The following SEMA5A variants were observed in gnomAD, a reference collection of about 807,000 sequenced individuals.
SEMA5A encodes semaphorin 5A.
In SEMA5A, 55 loss-of-function variants were observed where a neutral mutation model predicts 135.5. That is an observed-to-expected ratio of 0.41 (90% CI 0.33 to 0.51). The LOEUF (loss-of-function observed/expected upper bound fraction) is 0.51. SEMA5A is among the 20% of genes least tolerant of loss of function. The pLI is 0.37. For synonymous variants in SEMA5A, 580 were observed against 546.5 expected (o/e 1.06, Z -0.85); for missense variants, 1,290 against 1,419.9 (o/e 0.91, Z 1.47).
intron 12 of SEMA5A, among the ~76,000 whole-genome samples, chr5:9,148,351 C>T (rs1038658004): frequency 2.6e-5 from 4 of 152,156 alleles, no homozygotes; most frequent in Non-Finnish European, 1.5e-5. Context: ...CTAAACTTTT[C>T]CTGAAACACA....
At chr5:9,389,941 G>A (rs1031743150) in intron 2 of SEMA5A, among the ~76,000 whole-genome samples, 2 of 152,138 alleles carry the variant, frequency 1.3e-5, no homozygotes, top group African/African-American at 4.8e-5. Flanking sequence ...GATAGTACTG[G>A]ACATAGTGCA....
At position 9,183,730 on chromosome 5, in the gene SEMA5A, A is replaced by T. The variant is rs1387672346; in HGVS notation, c.1273+6537T>A. Among the ~76,000 whole-genome samples, 4 of 152,312 alleles carry T rather than the reference A, an allele frequency of 2.6e-5. No individual in the cohort carries two copies. The East Asian group carries it at 7.7e-4, about 29-fold the overall frequency. ...CCTTATTGCTTCTTCCTCAGATAGT[A>T]AAATGGGTCCCCAACACCTCACTTG... On this transcript the variant is annotated intron_variant, in intron 11 of 22. Transcript: ENST00000382496.
intron 12 of SEMA5A, among the ~76,000 whole-genome samples, chr5:9,147,503 C>T (rs1236639366): frequency 6.6e-6 from 1 of 152,032 alleles, no homozygotes; most frequent in Non-Finnish European, 1.5e-5. Context: ...AACTCCTGAC[C>T]TCTTGATCCA....
At chr5:9,074,306 T>G (rs1365828095) in intron 16 of SEMA5A, among the ~76,000 whole-genome samples, 1 of 152,192 alleles carries the variant, frequency 6.6e-6, no homozygotes, top group Admixed American at 6.5e-5. Context: ...TGTGAAAACA[T>G]GAATTTTGAT....
intron 2 of SEMA5A, among the ~76,000 whole-genome samples, chr5:9,388,768 G>A (rs1171604564): frequency 7.2e-5 from 11 of 151,982 alleles, no homozygotes; most frequent in South Asian, 2.1e-4. Context: ...GCATGGTAGC[G>A]GGCACCTGCA....
At chr5:9,417,122 AAG>A (rs923457101) in intron 2 of SEMA5A, among the ~76,000 whole-genome samples, 5 of 152,382 alleles carry the variant, frequency 3.3e-5, no homozygotes, top group Admixed American at 3.3e-4. Flanking sequence ...GCAGAAAAAT[AAG>A]AGAGGCCATT....
At chr5:9,128,279 C>T (rs1303215858) in intron 13 of SEMA5A, among the ~76,000 whole-genome samples, 1 of 152,160 alleles carries the variant, frequency 6.6e-6, no homozygotes, top group Non-Finnish European at 1.5e-5. Flanking sequence ...TCATGGCAAC[C>T]CCTTCAGTTG....
chr5:9,068,042 G>C (rs947072782), intron 16 of SEMA5A, among the ~76,000 whole-genome samples: 2 of 151,850 alleles, frequency 1.3e-5, no homozygotes, highest in Admixed American at 6.6e-5. Context: ...TCTCCAATTT[G>C]AGCACATTGA....
At chr5:9,344,538 C>T (rs1246199845) in intron 3 of SEMA5A, among the ~76,000 whole-genome samples, 1 of 152,098 alleles carries the variant, frequency 6.6e-6, no homozygotes, top group Non-Finnish European at 1.5e-5. Flanking sequence ...CTTGGCTGCC[C>T]ACTGAGCAGG....
intron 1 of SEMA5A, among the ~76,000 whole-genome samples, chr5:9,474,375 G>C (rs899830678): frequency 1.3e-5 from 2 of 152,070 alleles, no homozygotes; most frequent in Non-Finnish European, 2.9e-5. Context: ...ACACACATGG[G>C]GAAACCAGCT....
chr5:9,143,400 T>G (rs543200638), intron 12 of SEMA5A, among the ~76,000 whole-genome samples: 1 of 152,334 alleles, frequency 6.6e-6, no homozygotes, highest in African/African-American at 2.4e-5. Context: ...CTACTCGGCT[T>G]AACATTAAAT....
intron 8 of SEMA5A, among the ~76,000 whole-genome samples, chr5:9,215,206 T>C (rs575423152): frequency 2.0e-5 from 3 of 152,274 alleles, no homozygotes; most frequent in African/African-American, 7.2e-5. Context: ...ATGGCTGATA[T>C]AGGAAGCCTG....
chr5:9,319,806 G>A (rs1752546010), intron 4 of SEMA5A, among the ~76,000 whole-genome samples: 1 of 125,462 alleles, frequency 8.0e-6, no homozygotes. Flanking sequence ...AGACATAAAT[G>A]TTGACTATTT....
chr5:9,305,707 C>CATATATATATAT (rs1561128483), intron 5 of SEMA5A, among the ~76,000 whole-genome samples: 5 of 42,852 alleles, frequency 1.2e-4, no homozygotes, highest in African/African-American at 2.1e-4. Context: ...TGTGTGTGTG[C>CATATATATATAT]GTATATATAT....
At chr5:9,385,592 G>C (rs1395724749) in intron 2 of SEMA5A, among the ~76,000 whole-genome samples, 1 of 152,144 alleles carries the variant, frequency 6.6e-6, no homozygotes, top group Non-Finnish European at 1.5e-5. Context: ...AAAGGAGTCA[G>C]GTGAGTGAGC....
intron 1 of SEMA5A, among the ~76,000 whole-genome samples, chr5:9,449,419 A>T (rs993429857): frequency 6.6e-6 from 1 of 152,070 alleles, no homozygotes; most frequent in Non-Finnish European, 1.5e-5. Flanking sequence ...ACCTGTTGGG[A>T]GCATGGGGGA....
At chr5:9,513,639 T>C (rs1736345228) in intron 1 of SEMA5A, among the ~76,000 whole-genome samples, 1 of 152,186 alleles carries the variant, frequency 6.6e-6, no homozygotes, top group South Asian at 2.1e-4. Flanking sequence ...TACAGAGCTG[T>C]GTCTTAAAAT....
In SEMA5A at chr5:9,511,571, A is replaced by C. The variant is rs182745098; in HGVS notation, c.-175+34013T>G. On this transcript the variant is annotated intron_variant, in intron 1 of 22. Transcript: ENST00000382496. ...TCTTTCAGAAGACCTCTGTAACCTGAAATATTGTAGTGTAATTTGTGCCCC... is the reference window on the plus strand; with the variant it reads ...TCTTTCAGAAGACCTCTGTAACCTGCAATATTGTAGTGTAATTTGTGCCCC... Among the ~76,000 whole-genome samples the C allele has an allele frequency of 2.7e-3, 418 of 152,314 alleles. 3 individuals are homozygous for C. Among genetic ancestry groups the C allele is most frequent in the Non-Finnish European group, 3.2e-3 (215 of 68,024 alleles).
intron 1 of SEMA5A, among the ~76,000 whole-genome samples, chr5:9,541,030 ACT>A (rs1463196945): frequency 6.6e-6 from 1 of 151,944 alleles, no homozygotes; most frequent in East Asian, 1.9e-4. Context: ...GCTTTCCTTG[ACT>A]CTGTTTTTCT....
Sources: gnomAD v4.1 joint callset for allele counts (sites outside exome capture counted in the v4.1 genomes callset) on GRCh38, gnomAD v4.1.1 for gene constraint, MANE v1.5 for transcripts, NCBI Gene and HGNC (gene_info 2026-07-23, HGNC 2026-07-21) for gene names.